The following PDGFC variants were observed in gnomAD, a reference collection of about 807,000 sequenced individuals.
The protein encoded by PDGFC is platelet derived growth factor C, also known as platelet-derived growth factor C.
Under a neutral mutation model 35.5 loss-of-function variants are expected in PDGFC, and 12 were observed. The ratio of observed to expected loss-of-function variants is 0.34; its 90% confidence interval spans 0.22 to 0.55. The LOEUF (loss-of-function observed/expected upper bound fraction) is 0.55. Ranked by LOEUF, PDGFC falls within the 20% of genes least tolerant of loss-of-function variation. The pLI is 0.91. For synonymous variants in PDGFC, 159 were observed against 148.8 expected (o/e 1.07, Z -0.50); for missense variants, 322 against 412.4 (o/e 0.78, Z 1.90).
At chr4:156,912,120 G>A (rs747151010) in intron 1 of PDGFC, among the ~76,000 whole-genome samples, 11 of 152,008 alleles carry the variant, frequency 7.2e-5, no homozygotes, top group Non-Finnish European at 8.8e-5. Context: ...TTTTTTTCTG[G>A]AGGTCAGGAA....
intron 1 of PDGFC, among the ~76,000 whole-genome samples, chr4:156,963,344 C>T (rs1256635189): frequency 6.6e-6 from 1 of 151,942 alleles, no homozygotes; most frequent in Non-Finnish European, 1.5e-5. Flanking sequence ...GTGGCACACA[C>T]CTGTAATCCC....
chr4:156,852,091 T>C (rs1490160509), intron 1 of PDGFC, among the ~76,000 whole-genome samples: 1 of 152,136 alleles, frequency 6.6e-6, no homozygotes, highest in Admixed American at 6.5e-5. Context: ...GACTGGACAT[T>C]GAACACATGA....
At chr4:156,916,582 A>C (rs938581200) in intron 1 of PDGFC, among the ~76,000 whole-genome samples, 3 of 152,172 alleles carry the variant, frequency 2.0e-5, no homozygotes, top group African/African-American at 7.2e-5. Flanking sequence ...TCCTACCTTC[A>C]AAATAACTCA....
chr4:156,948,093 A>C (rs1731989588), intron 1 of PDGFC, among the ~76,000 whole-genome samples: 1 of 151,670 alleles, frequency 6.6e-6, no homozygotes, highest in South Asian at 2.1e-4. Flanking sequence ...TTGTCTATAA[A>C]TGAAGTCCAT....
chr4:156,898,984 C>T (rs965255877), intron 1 of PDGFC, among the ~76,000 whole-genome samples: 1 of 152,126 alleles, frequency 6.6e-6, no homozygotes, highest in Non-Finnish European at 1.5e-5. Flanking sequence ...AAAAATGTAG[C>T]AAGGTTCTTA....
chr4:156,968,178 G>A (rs112285073), intron 1 of PDGFC, among the ~76,000 whole-genome samples: 6 of 152,236 alleles, frequency 3.9e-5, no homozygotes, highest in African/African-American at 9.6e-5. Context: ...TGAGCAGCCC[G>A]AGGTACCTGA....
At chr4:156,771,604 AG>A (rs1242543174) in intron 4 of PDGFC, among the ~76,000 whole-genome samples, 1 of 152,164 alleles carries the variant, frequency 6.6e-6, no homozygotes, top group Non-Finnish European at 1.5e-5. Context: ...GTGAAATACC[AG>A]GGCTGGGCAA....
chr4:156,948,695 C>T (rs545186388), intron 1 of PDGFC, among the ~76,000 whole-genome samples: 146 of 152,046 alleles, frequency 9.6e-4, no homozygotes, highest in Non-Finnish European at 7.5e-4. Flanking sequence ...ACACCCCCAC[C>T]GCTGCCCTAC....
intron 2 of PDGFC, among the ~76,000 whole-genome samples, chr4:156,831,596 A>G: frequency 6.6e-6 from 1 of 151,638 alleles, no homozygotes; most frequent in East Asian, 1.9e-4. Flanking sequence ...GGGATGTGCC[A>G]CCACGCCCAG....
At chr4:156,812,875 C>T (rs1731976986) in intron 2 of PDGFC, among the ~76,000 whole-genome samples, 1 of 152,122 alleles carries the variant, frequency 6.6e-6, no homozygotes, top group African/African-American at 2.4e-5. Context: ...CCTCCAACCT[C>T]TGCACACCTA....
In PDGFC at chr4:156,931,042, G is replaced by C. The variant is rs1481136241; in HGVS notation, c.118+39744C>G. On this transcript the variant is annotated intron_variant, in intron 1 of 5. Coordinates refer to ENST00000502773, the MANE Select transcript of PDGFC (RefSeq NM_016205.3). ...TTCTTTTTCCTGCTACCTATTGTTG[G>C]AGGTAGGGGCTGAGGGGATGGAGGG... Among the ~76,000 whole-genome samples the C allele has an allele frequency of 2.0e-5, 3 of 151,986 alleles. No individual in the cohort carries two copies. The East Asian group carries it at 5.8e-4, about 29-fold the overall frequency.
chr4:156,847,836 T>A (rs1310988659), intron 2 of PDGFC, among the ~76,000 whole-genome samples: 1 of 108,474 alleles, frequency 9.2e-6, no homozygotes, highest in Non-Finnish European at 1.8e-5. Flanking sequence ...TCTAGAATGC[T>A]ACAGCAGTTA....
chr4:156,826,174 A>AATTTTTTTTT (rs1288749370), intron 2 of PDGFC, among the ~76,000 whole-genome samples: 1 of 43,768 alleles, frequency 2.3e-5, no homozygotes, highest in African/African-American at 8.1e-5. Context: ...TTTGAGTTGG[A>AATTTTTTTTT]TTTTTTTTTT....
At chr4:156,847,996 C>A (rs1729366418) in intron 2 of PDGFC, among the ~76,000 whole-genome samples, 1 of 151,710 alleles carries the variant, frequency 6.6e-6, no homozygotes, top group African/African-American at 2.4e-5. Context: ...TGCTGGCATA[C>A]TATTGGATAC....
intron 2 of PDGFC, among the ~76,000 whole-genome samples, chr4:156,838,717 C>T (rs1222213818): frequency 1.3e-5 from 2 of 152,180 alleles, no homozygotes; most frequent in East Asian, 3.8e-4. Flanking sequence ...TTACTAGTTA[C>T]AATCACTTGC....
intron 1 of PDGFC, among the ~76,000 whole-genome samples, chr4:156,881,123 T>A (rs981699192): frequency 5.9e-5 from 9 of 152,186 alleles, no homozygotes; most frequent in African/African-American, 2.2e-4. Flanking sequence ...TTCATTGTTG[T>A]CTTCGTTTAG....
intron 1 of PDGFC, among the ~76,000 whole-genome samples, chr4:156,907,512 C>T (rs751880468): frequency 2.0e-5 from 3 of 152,128 alleles, no homozygotes; most frequent in Non-Finnish European, 2.9e-5. Context: ...TTGCATCTTT[C>T]AATTCACCTC....
At chr4:156,897,975 A>G (rs983654633) in intron 1 of PDGFC, among the ~76,000 whole-genome samples, 27 of 152,182 alleles carry the variant, frequency 1.8e-4, no homozygotes, top group Admixed American at 5.2e-4. Flanking sequence ...TTTTGCATGT[A>G]AGAAGATGAA....
chr4:156,874,334 T>C (rs1371698930), intron 1 of PDGFC, among the ~76,000 whole-genome samples: 1 of 152,152 alleles, frequency 6.6e-6, no homozygotes, highest in East Asian at 1.9e-4. Flanking sequence ...TTATAGATCA[T>C]CAGCTCTGTA....
Sources: gnomAD v4.1 joint callset for allele counts (sites outside exome capture counted in the v4.1 genomes callset) on GRCh38, gnomAD v4.1.1 for gene constraint, MANE v1.5 for transcripts, NCBI Gene and HGNC (gene_info 2026-07-23, HGNC 2026-07-21) for gene names.